Variants in RAPGEF4 observed in about 807,000 individuals in gnomAD.
The protein encoded by RAPGEF4 is Rap guanine nucleotide exchange factor 4.
In RAPGEF4, 66 loss-of-function variants were observed where a neutral mutation model predicts 147.9. The ratio of observed to expected loss-of-function variants is 0.45; its 90% CI spans 0.37 to 0.55. The LOEUF (loss-of-function observed/expected upper bound fraction) is 0.55, where lower values mean the gene tolerates loss of function less well. RAPGEF4 is among the 20% of genes least tolerant of loss of function. The pLI is 0.00. For missense variants in RAPGEF4, 1,071 were observed against 1,257.3 expected (o/e 0.85, Z 2.24); for synonymous variants, 419 against 442.7 (o/e 0.95, Z 0.67).
chr2:172,988,290 T>G lies in RAPGEF4; in HGVS notation c.1227+18T>G. On this transcript the variant is annotated intron_variant, in intron 13 of 30. Coordinates refer to ENST00000397081, the MANE Select transcript of RAPGEF4 (RefSeq NM_007023.4). ...ACGGCAAGGTATATATATCTTTTTCTTTTTGAAACTTTATTACGCTCCACT... is the reference window on the plus strand; with the variant it reads ...ACGGCAAGGTATATATATCTTTTTCGTTTTGAAACTTTATTACGCTCCACT... The G allele has an allele frequency of 6.3e-7, 1 of 1,596,664 alleles. No homozygotes were observed. The highest frequency in any genetic ancestry group is 8.5e-7 in the Non-Finnish European group (1 of 1,175,856).
At chr2:172,892,153 CTT>C (rs1278043227) in intron 4 of RAPGEF4, among the ~76,000 whole-genome samples, 1 of 152,086 alleles carries the variant, frequency 6.6e-6, no homozygotes, top group East Asian at 1.9e-4. Flanking sequence ...GTGGAGCAGT[CTT>C]AGATATTCCT....
At chr2:172,953,855 A>C (rs1575356638) in intron 6 of RAPGEF4, among the ~76,000 whole-genome samples, 2 of 152,238 alleles carry the variant, frequency 1.3e-5, no homozygotes, top group Admixed American at 6.5e-5. Context: ...AGAGAGAAAG[A>C]AGACATTTAT....
At chr2:172,973,703 G>A (rs1228301821) in intron 10 of RAPGEF4, among the ~76,000 whole-genome samples, 1 of 152,200 alleles carries the variant, frequency 6.6e-6, no homozygotes, top group Admixed American at 6.5e-5. Context: ...AGAGAGAGGT[G>A]TGGTGTGATC....
At chr2:172,806,371 G>C (rs956707928) in intron 3 of RAPGEF4, among the ~76,000 whole-genome samples, 2 of 152,114 alleles carry the variant, frequency 1.3e-5, no homozygotes, top group Non-Finnish European at 2.9e-5. Flanking sequence ...TGCAACCCAC[G>C]GTGGTTAAAT....
chr2:172,841,814 A>ACG (rs1258978956), intron 4 of RAPGEF4, among the ~76,000 whole-genome samples: 2 of 129,164 alleles, frequency 1.5e-5, no homozygotes, highest in Admixed American at 1.7e-4. Context: ...ACACACACAC[A>ACG]CACTACACAC....
chr2:173,014,643 A>G, intron 18 of RAPGEF4, 29 bp downstream of exon 18: 1 of 1,604,212 alleles, frequency 6.2e-7, no homozygotes, highest in Non-Finnish European at 8.5e-7. Context: ...TTCCAAGAAT[A>G]TACTGTTGTC....
intron 6 of RAPGEF4, among the ~76,000 whole-genome samples, chr2:172,954,652 T>G (rs1434907655): frequency 6.6e-6 from 1 of 152,174 alleles, no homozygotes; most frequent in African/African-American, 2.4e-5. Flanking sequence ...AGTGATGACA[T>G]TGATGATAAC....
At chr2:172,837,764 A>G (rs572649899) in intron 4 of RAPGEF4, among the ~76,000 whole-genome samples, 8 of 152,106 alleles carry the variant, frequency 5.3e-5, no homozygotes, top group African/African-American at 9.6e-5. Flanking sequence ...GGATCTCACT[A>G]TGTTGCTCAG....
chr2:172,918,262 T>G (rs1288483137), intron 5 of RAPGEF4, among the ~76,000 whole-genome samples: 1 of 149,264 alleles, frequency 6.7e-6, no homozygotes, highest in East Asian at 1.9e-4. Context: ...TTTTTTTTTT[T>G]TTTTTTTACT....
chr2:173,047,000 A>G (rs1275348268), intron 29 of RAPGEF4, among the ~76,000 whole-genome samples: 1 of 152,168 alleles, frequency 6.6e-6, no homozygotes, highest in Non-Finnish European at 1.5e-5. Flanking sequence ...TCCGTGAGAG[A>G]AGAAAGGGTT....
intron 29 of RAPGEF4, among the ~76,000 whole-genome samples, chr2:173,044,826 A>G (rs941501001): frequency 2.6e-5 from 4 of 152,074 alleles, no homozygotes; most frequent in African/African-American, 4.8e-5. Flanking sequence ...TTAATGAGCT[A>G]TTTGCTCAAG....
In RAPGEF4 at chr2:172,838,591, A is replaced by G. The variant is rs186758790; in HGVS notation, c.444+24166A>G. On this transcript the variant is annotated intron_variant, in intron 4 of 30. Transcript: ENST00000397081. ...TCTAAGCATGCTGGTGATTAGTTCAATTGTAGATCTCTTTTATCACCTAGA... is the reference window on the plus strand; with the variant it reads ...TCTAAGCATGCTGGTGATTAGTTCAGTTGTAGATCTCTTTTATCACCTAGA... Among the ~76,000 whole-genome samples, 8 of 152,266 alleles carry G rather than the reference A, an allele frequency of 5.3e-5. No homozygotes were observed. The Middle Eastern group carries it at 0.01, about 194-fold the overall frequency.
chr2:173,026,500 T>C (rs1696676541), intron 23 of RAPGEF4, 72 bp from the exon 24 acceptor site: 1 of 1,485,314 alleles, frequency 6.7e-7, no homozygotes, highest in African/African-American at 1.4e-5. Context: ...CCTCAGAAAC[T>C]CCTGAAAGCT....
At chr2:172,810,625 G>A (rs1687936006) in intron 3 of RAPGEF4, among the ~76,000 whole-genome samples, 1 of 152,248 alleles carries the variant, frequency 6.6e-6, no homozygotes, top group African/African-American at 2.4e-5. Context: ...TTTTGTGTGT[G>A]TGTTCCCATC....
At chr2:172,978,167 A>G (rs186051487) in intron 10 of RAPGEF4, among the ~76,000 whole-genome samples, 3 of 152,056 alleles carry the variant, frequency 2.0e-5, no homozygotes. Flanking sequence ...CAGGCTGCCC[A>G]CGTGGGCTTC....
intron 4 of RAPGEF4, among the ~76,000 whole-genome samples, chr2:172,859,358 A>C (rs3769297): frequency 0.15 from 23,527 of 152,262 alleles, 2,164 homozygotes; most frequent in East Asian, 0.25. Context: ...CTTTCATATG[A>C]AAATGTACTC....
chr2:173,022,344 T>A (rs548420857), intron 23 of RAPGEF4, among the ~76,000 whole-genome samples: 2 of 152,222 alleles, frequency 1.3e-5, no homozygotes, highest in Non-Finnish European at 2.9e-5. Flanking sequence ...TTTTAAGGCC[T>A]CTGTCGTTGG....
chr2:172,883,980 C>T (rs79413968), intron 4 of RAPGEF4, among the ~76,000 whole-genome samples: 1,609 of 152,272 alleles, frequency 0.011, 29 homozygotes, highest in African/African-American at 0.037. Context: ...AAATAATTGG[C>T]CTCATGGAGT....
At chr2:172,749,447 T>C (rs1351099474) in intron 1 of RAPGEF4, among the ~76,000 whole-genome samples, 3 of 152,220 alleles carry the variant, frequency 2.0e-5, no homozygotes, top group African/African-American at 7.2e-5. Flanking sequence ...AGCTTTGGCC[T>C]AAGCTGTACC....
Sources: allele counts gnomAD v4.1 joint callset (sites outside exome capture counted in the v4.1 genomes callset), GRCh38; gene constraint gnomAD v4.1.1; transcripts MANE v1.5; gene names NCBI Gene and HGNC (gene_info 2026-07-23, HGNC 2026-07-21).